Variants in FBXO36 observed in about 807,000 individuals in gnomAD.
FBXO36 encodes F-box protein 36.
In FBXO36, 18 loss-of-function variants were observed where a neutral mutation model predicts 17.0. The ratio of observed to expected loss-of-function variants is 1.06; its 90% CI spans 0.73 to 1.57. The LOEUF is 1.57. Among genes scored for constraint, FBXO36 ranks in the 40% most tolerant of loss-of-function variants. The pLI is 0.00. For missense variants in FBXO36, 229 were observed against 221.9 expected (o/e 1.03, Z -0.20); for synonymous variants, 83 against 85.3 (o/e 0.97, Z 0.15).
At chr2:229,932,618 C>CA (rs1230158839) in intron 1 of FBXO36, among the ~76,000 whole-genome samples, 2 of 151,590 alleles carry the variant, frequency 1.3e-5, no homozygotes, top group African/African-American at 4.9e-5. Flanking sequence ...ATGGAGGTTG[C>CA]AGTGAGCCGA....
intron 1 of FBXO36, among the ~76,000 whole-genome samples, chr2:229,937,257 G>C (rs2076968832): frequency 6.6e-6 from 1 of 152,084 alleles, no homozygotes; most frequent in Non-Finnish European, 1.5e-5. Flanking sequence ...CACTTTAGGA[G>C]GCTGAGGCGG....
At chr2:229,932,587 A>G (rs893278827) in intron 1 of FBXO36, among the ~76,000 whole-genome samples, 1 of 152,076 alleles carries the variant, frequency 6.6e-6, no homozygotes, top group African/African-American at 2.4e-5. Flanking sequence ...CTGAAGCAGG[A>G]GAATCGCTTG....
intron 1 of FBXO36, among the ~76,000 whole-genome samples, chr2:229,953,682 A>C (rs1469916084): frequency 6.6e-6 from 1 of 152,126 alleles, no homozygotes; most frequent in East Asian, 1.9e-4. Flanking sequence ...AGAGAAAAAA[A>C]AAATAAAAAA....
At chr2:229,973,983 G>A (rs1375876688) in intron 1 of FBXO36, among the ~76,000 whole-genome samples, 5 of 152,078 alleles carry the variant, frequency 3.3e-5, no homozygotes, top group Non-Finnish European at 7.4e-5. Context: ...CCAGGAAGTC[G>A]AGGCTGCAGT....
intron 1 of FBXO36, among the ~76,000 whole-genome samples, chr2:229,966,326 G>T (rs1175262515): frequency 6.6e-6 from 1 of 152,106 alleles, no homozygotes; most frequent in Admixed American, 6.6e-5. Flanking sequence ...CCGTTCTGTA[G>T]GTTGCCTGTT....
chr2:230,006,548 C>A (rs1393358421), intron 3 of FBXO36, among the ~76,000 whole-genome samples: 1 of 152,166 alleles, frequency 6.6e-6, no homozygotes, highest in African/African-American at 2.4e-5. Context: ...AATTACTGAG[C>A]CCCTGCTGTG....
chr2:229,981,739 A>G (rs903787766), intron 2 of FBXO36, among the ~76,000 whole-genome samples: 20 of 150,466 alleles, frequency 1.3e-4, no homozygotes, highest in African/African-American at 4.9e-4. Flanking sequence ...AAAGGAAAAG[A>G]AAAAAAAAAT....
chr2:229,930,736 G>C (rs868490331), intron 1 of FBXO36, among the ~76,000 whole-genome samples: 2 of 152,112 alleles, frequency 1.3e-5, no homozygotes, highest in Admixed American at 6.6e-5. Flanking sequence ...GGGCGACAGT[G>C]AGATGCCGTC....
chr2:229,956,357 T>G (rs1456197771), intron 1 of FBXO36, among the ~76,000 whole-genome samples: 1 of 152,188 alleles, frequency 6.6e-6, no homozygotes, highest in East Asian at 1.9e-4. Flanking sequence ...CCCATCACCC[T>G]CTGAAGGTTC....
chr2:229,954,648 C>T (rs921323726), intron 1 of FBXO36, among the ~76,000 whole-genome samples: 8 of 143,480 alleles, frequency 5.6e-5, no homozygotes, highest in Middle Eastern at 4.1e-3. Context: ...CCCAGGTTCA[C>T]GCCATTCTCC....
chr2:229,992,833 T>C (rs967120792), intron 2 of FBXO36, among the ~76,000 whole-genome samples: 18 of 152,208 alleles, frequency 1.2e-4, no homozygotes, highest in Non-Finnish European at 2.5e-4. Context: ...TGAAGAAGGC[T>C]TGATTGGGGC....
At chr2:230,001,220 A>G (rs1432076525) in intron 3 of FBXO36, among the ~76,000 whole-genome samples, 1 of 152,096 alleles carries the variant, frequency 6.6e-6, no homozygotes, top group South Asian at 2.1e-4. Flanking sequence ...TCTGTTGTCA[A>G]TCTAAGTTTT....
intron 2 of FBXO36, among the ~76,000 whole-genome samples, chr2:229,981,418 G>C (rs1249879476): frequency 6.6e-6 from 1 of 151,548 alleles, no homozygotes; most frequent in South Asian, 2.1e-4. Flanking sequence ...TCACTCTGCT[G>C]CCTAGGCTGG....
chr2:229,970,963 T>C (rs372880858), intron 1 of FBXO36, among the ~76,000 whole-genome samples: 1 of 152,246 alleles, frequency 6.6e-6, no homozygotes, highest in East Asian at 1.9e-4. Flanking sequence ...CCCCTCATAG[T>C]CCAAAATGGC....
At chr2:229,954,837 A>G (rs1437049533) in intron 1 of FBXO36, among the ~76,000 whole-genome samples, 1 of 148,304 alleles carries the variant, frequency 6.7e-6, no homozygotes, top group Admixed American at 6.7e-5. Context: ...GTGAGCCACC[A>G]TGCCTGGCGT....
At chr2:229,936,126 T>G (rs978109085) in intron 1 of FBXO36, among the ~76,000 whole-genome samples, 1 of 152,060 alleles carries the variant, frequency 6.6e-6, no homozygotes, top group Non-Finnish European at 1.5e-5. Context: ...GAGGTTGCAG[T>G]GAACCGAGGT....
At chr2:229,961,055 C>T (rs1486982262) in intron 1 of FBXO36, among the ~76,000 whole-genome samples, 1 of 151,904 alleles carries the variant, frequency 6.6e-6, no homozygotes, top group Non-Finnish European at 1.5e-5. Flanking sequence ...TTGCAGTGAG[C>T]CGAGATCACC....
chr2:229,964,525 T>C (rs984716617), intron 1 of FBXO36, among the ~76,000 whole-genome samples: 3 of 152,364 alleles, frequency 2.0e-5, no homozygotes, highest in Admixed American at 2.0e-4. Context: ...TTTCTTTTTG[T>C]TTCTTTGTTT....
At chr2:229,929,123 G>A (rs1270041709) in intron 1 of FBXO36, among the ~76,000 whole-genome samples, 2 of 151,434 alleles carry the variant, frequency 1.3e-5, no homozygotes, top group Non-Finnish European at 2.9e-5. Flanking sequence ...TATTAGAGAT[G>A]GGGTTTCACC....
Sources: allele counts gnomAD v4.1 joint callset (sites outside exome capture counted in the v4.1 genomes callset), GRCh38; gene constraint gnomAD v4.1.1; transcripts MANE v1.5; gene names NCBI Gene and HGNC (gene_info 2026-07-23, HGNC 2026-07-21).